Variants in DIP2A observed in about 807,000 individuals in gnomAD.
DIP2A encodes DIP2 acetate--CoA ligase A.
DIP2A carries 85 observed loss-of-function variants against 177.4 expected under a neutral mutation model. The observed-to-expected ratio is 0.48, with a 90% CI of 0.40 to 0.57. The LOEUF is 0.57. DIP2A is among the 20% of genes least tolerant of loss of function. The pLI is 0.00. For synonymous variants in DIP2A, 886 were observed against 881.8 expected, an observed-to-expected ratio of 1.00 and a Z score of -0.08; for missense variants, 1,791 against 2,100.2, an observed-to-expected ratio of 0.85 and a Z score of 2.88.
chr21:46,534,215 C>T (rs796659422), intron 12 of DIP2A, 102 bp downstream of exon 12: 36 of 963,798 alleles, frequency 3.7e-5, no homozygotes, highest in African/African-American at 2.6e-4. Flanking sequence ...TGTTAAGTTT[C>T]GGCCTAAGAG....
chr21:46,504,909 CTG>C (rs368507679), intron 6 of DIP2A, among the ~76,000 whole-genome samples: 19 of 152,356 alleles, frequency 1.2e-4, no homozygotes, highest in Middle Eastern at 6.8e-3. Flanking sequence ...CTTCAGCAGA[CTG>C]TGAAATCGGT....
downstream of DIP2A, among the ~76,000 whole-genome samples, chr21:46,571,397 A>G (rs568838129): frequency 7.2e-5 from 11 of 152,312 alleles, no homozygotes; most frequent in South Asian, 1.9e-3. Flanking sequence ...GTGGGCCAAT[A>G]TATTGAAATT....
chr21:46,554,112 C>A, intron 25 of DIP2A, 57 bp from the exon 26 acceptor site: 1 of 1,564,176 alleles, frequency 6.4e-7, no homozygotes, highest in Admixed American at 1.8e-5. Flanking sequence ...CGCAGATCTG[C>A]GAACAGCCCA....
In DIP2A at chr21:46,533,595, T is replaced by C. The variant is rs1371537137; in HGVS notation, c.1377T>C (p.Ala459=). 6.2e-7 allele frequency: 1 copy of C among 1,614,002 alleles called. No homozygotes were observed. Among genetic ancestry groups the C allele is most frequent in the Non-Finnish European group, 8.5e-7 (1 of 1,179,880 alleles). Residue 459 remains alanine (A), a synonymous_variant, in exon 11 of 38, where the codon GCT becomes GCC. Transcript: ENST00000417564. ...CGVFLALTTD[A]CQKGLPKAQT... is the part of the protein sequence containing the mutation. ...TCTTCTTGGCCCTGACCACAGACGC[T>C]TGTCAGAAAGGCCTCCCCAAGGCAC...
intron 8 of DIP2A, among the ~76,000 whole-genome samples, chr21:46,518,820 G>A (rs931072096): frequency 6.6e-6 from 1 of 152,252 alleles, no homozygotes; most frequent in African/African-American, 2.4e-5. Context: ...TTGCACCGCT[G>A]CACTGCAGCC....
intron 35 of DIP2A, 70 bp downstream of exon 35, chr21:46,564,002 C>T: frequency 6.5e-7 from 1 of 1,546,592 alleles, no homozygotes; most frequent in East Asian, 2.3e-5. Flanking sequence ...TCCCTTTTTG[C>T]TTCAGATTTT....
chr21:46,490,466 C>T, intron 2 of DIP2A, 134 bp from the exon 3 acceptor site: 1 of 1,110,404 alleles, frequency 9.0e-7, no homozygotes, highest in South Asian at 1.7e-5. Flanking sequence ...GCGTCTATCA[C>T]TGACTTCCAG....
At chr21:46,554,446 T>A in intron 26 of DIP2A, 129 bp from the exon 27 acceptor site, 1 of 1,540,808 alleles carries the variant, frequency 6.5e-7, no homozygotes, top group Non-Finnish European at 8.8e-7. Flanking sequence ...CAGCTACCCC[T>A]GTGGAAACCC....
Position 46,471,833 on chromosome 21 carries a change from T to A in DIP2A, c.91+12611T>A, listed in dbSNP as rs1393286576. ...TCATGCGGGGGTTTCCTTTCAGACT[T>A]TGAATTAATCAGCTATAAGGAAAGA... is the stretch of plus-strand genomic sequence containing the variant. On this transcript the variant is annotated intron_variant, in intron 1 of 37. Coordinates refer to ENST00000417564, the MANE Select transcript of DIP2A (RefSeq NM_015151.4). Among the ~76,000 whole-genome samples the A allele has an allele frequency of 2.0e-5, 3 of 152,230 alleles. No homozygotes were observed. In the East Asian group the frequency reaches 5.8e-4, roughly 29 times the overall value.
intron 8 of DIP2A, among the ~76,000 whole-genome samples, chr21:46,522,399 A>G (rs907428576): frequency 3.9e-5 from 6 of 152,218 alleles, no homozygotes; most frequent in Admixed American, 3.9e-4. Context: ...AGGGCTAGGG[A>G]AACATGCAGT....
intron 1 of DIP2A, among the ~76,000 whole-genome samples, chr21:46,479,676 G>A (rs1027841942): frequency 1.3e-5 from 2 of 152,124 alleles, no homozygotes; most frequent in African/African-American, 4.8e-5. Flanking sequence ...ATAGGCATGT[G>A]CCACCACAGC....
Position 46,557,010 on chromosome 21 carries a change from G to C in DIP2A, c.3570G>C (p.Gln1190His). Residue 1190 changes from glutamine (Q) to histidine (H), a missense_variant, in exon 30 of 38, where the codon CAG (glutamine) becomes CAC (histidine). By Grantham distance (24) the Gln-to-His change is conservative. Coordinates refer to ENST00000417564, the MANE Select transcript of DIP2A (RefSeq NM_015151.4). The surrounding 1 kb of genome is among the most constrained non-coding windows in gnomAD (Gnocchi z 6.0). ...KLQCELYPSR[Q>H]IAICLDPYCG... ...AGTGTGAGCTGTACCCCTCGCGGCA[G>C]ATCGCCATCTGCCTCGACCCCTACT... The C allele has an allele frequency of 6.2e-7, 1 of 1,602,430 alleles. No homozygotes were observed. Among genetic ancestry groups the C allele is most frequent in the Non-Finnish European group, 8.5e-7 (1 of 1,174,618 alleles).
chr21:46,467,139 AC>A (rs1568900987), intron 1 of DIP2A, among the ~76,000 whole-genome samples: 1 of 151,898 alleles, frequency 6.6e-6, no homozygotes, highest in Admixed American at 6.6e-5. Flanking sequence ...TACTAAAAAT[AC>A]AAAAAATCAG....
At chr21:46,469,948 G>A (rs1164542899) in intron 1 of DIP2A, among the ~76,000 whole-genome samples, 1 of 152,140 alleles carries the variant, frequency 6.6e-6, no homozygotes, top group Non-Finnish European at 1.5e-5. Context: ...TGAAAAAAAA[G>A]ATAGAATTCA....
At chr21:46,492,746 G>A (rs1415870823) in intron 3 of DIP2A, among the ~76,000 whole-genome samples, 1 of 152,152 alleles carries the variant, frequency 6.6e-6, no homozygotes, top group Non-Finnish European at 1.5e-5. Flanking sequence ...GCGGAGACCA[G>A]CCTGGCCAAC....
intron 11 of DIP2A, 22 bp from the exon 12 acceptor site, chr21:46,533,982 G>C: frequency 6.2e-7 from 1 of 1,601,798 alleles, no homozygotes; most frequent in South Asian, 1.1e-5. Flanking sequence ...TTGCTGTTCT[G>C]TGTCCTGTCT....
Position 46,531,983 on chromosome 21 carries a change from A to G in DIP2A, c.1195-144A>G, listed in dbSNP as rs73373928. 6.0e-3 allele frequency: 4,171 copies of G among 695,284 alleles called. 150 individuals carry two copies. The African/African-American group carries it at 0.067, about 11-fold the overall frequency. 43.1% of individuals were successfully genotyped at this position (695,284 alleles called of 1,614,324 possible). A position where few individuals can be genotyped will look rare whatever the true frequency, so the allele number is the denominator to read the frequency against. Reference sequence around the variant, plus strand: ...AACTGTCTCTACTCAGTTAAATACTATTTGGACTTGTCCCTTATGGTTTCA... The same window carrying G: ...AACTGTCTCTACTCAGTTAAATACTGTTTGGACTTGTCCCTTATGGTTTCA... On this transcript the variant is annotated intron_variant, in intron 9 of 37. Coordinates refer to ENST00000417564, the MANE Select transcript of DIP2A (RefSeq NM_015151.4).
chr21:46,575,385 C>T, the DIP2A span, among the ~76,000 whole-genome samples: 1 of 152,114 alleles, frequency 6.6e-6, no homozygotes, highest in African/African-American at 2.4e-5. Flanking sequence ...AGGATGACTG[C>T]GTTTGTCACT....
chr21:46,538,537 G>A lies in DIP2A; in HGVS notation c.1856G>A (p.Arg619Gln), dbSNP rs781413516. 3.2e-6 allele frequency: 5 copies of A among 1,562,648 alleles called. No homozygotes were observed. Among genetic ancestry groups the A allele is most frequent in the Non-Finnish European group, 4.3e-6 (5 of 1,156,132 alleles). The change falls in exon 16 of 38, where the codon CGG (arginine) becomes CAG (glutamine). Residue 619 changes from arginine to glutamine, a missense_variant. Coordinates refer to ENST00000417564, the MANE Select transcript of DIP2A (RefSeq NM_015151.4). Reference protein sequence around the residue: ...RDMHWSLLAQRGQRDVSLSSL... With the variant: ...RDMHWSLLAQQGQRDVSLSSL... The stretch of plus-strand genomic sequence containing the variant: ...ATGCACTGGTCTCTCCTAGCTCAGC[G>A]GGGCCAGAGGGACGTCAGCCTCAGC...
Sources: allele counts gnomAD v4.1 joint callset (sites outside exome capture counted in the v4.1 genomes callset), GRCh38; gene constraint gnomAD v4.1.1; non-coding constraint Gnocchi (gnomAD v3.1); transcripts MANE v1.5; gene names NCBI Gene and HGNC (gene_info 2026-07-23, HGNC 2026-07-21).